XNDC1N: variants seen among roughly 807,000 people sequenced by gnomAD.
The protein encoded by XNDC1N is protein XNDC1N.
the XNDC1N span, among the ~76,000 whole-genome samples, chr11:71,907,708 A>G: frequency 1.3e-5 from 2 of 152,080 alleles, no homozygotes; most frequent in Non-Finnish European, 2.9e-5. Context: ...ACTAGAAACT[A>G]TATCAGTTGG....
chr11:71,884,515 G>T, the XNDC1N span: 1 of 1,609,272 alleles, frequency 6.2e-7, no homozygotes, highest in Non-Finnish European at 8.5e-7. Context: ...TTCAGCATCT[G>T]CTGCAAACTG....
At chr11:71,881,018 G>C in the XNDC1N span, among the ~76,000 whole-genome samples, 1 of 152,172 alleles carries the variant, frequency 6.6e-6, no homozygotes, top group East Asian at 1.9e-4. Flanking sequence ...GTAAATGTCT[G>C]TTAAGTCTAT....
the XNDC1N span, among the ~76,000 whole-genome samples, chr11:71,869,670 C>G: frequency 6.6e-6 from 1 of 152,138 alleles, no homozygotes; most frequent in Non-Finnish European, 1.5e-5. Flanking sequence ...TCCTTAGATT[C>G]CTTGAATTTG....
At chr11:71,890,989 C>T in the XNDC1N span, among the ~76,000 whole-genome samples, 1 of 151,968 alleles carries the variant, frequency 6.6e-6, no homozygotes, top group African/African-American at 2.4e-5. Flanking sequence ...GGGTGTACTG[C>T]CTCTGTGATG....
chr11:71,885,452 T>C, the XNDC1N span, among the ~76,000 whole-genome samples: 1 of 152,134 alleles, frequency 6.6e-6, no homozygotes, highest in African/African-American at 2.4e-5. Context: ...TAATAGCATT[T>C]TCTTCTTCTG....
At chr11:71,910,518 G>GAAATA in the XNDC1N span, among the ~76,000 whole-genome samples, 3 of 152,170 alleles carry the variant, frequency 2.0e-5, no homozygotes, top group South Asian at 6.2e-4. Flanking sequence ...GAGAGACCTA[G>GAAATA]GCTGCGTGTT....
At chr11:71,897,706 G>C in the XNDC1N span, among the ~76,000 whole-genome samples, 2 of 152,202 alleles carry the variant, frequency 1.3e-5, no homozygotes, top group Non-Finnish European at 2.9e-5. Context: ...AGTTGCATTT[G>C]TGGGTACCTA....
At chr11:71,895,135 A>G in the XNDC1N span, among the ~76,000 whole-genome samples, 1 of 151,616 alleles carries the variant, frequency 6.6e-6, no homozygotes, top group Non-Finnish European at 1.5e-5. Context: ...TTTTCTTTTA[A>G]AGCACCAGAG....
At chr11:71,911,576 C>T in the XNDC1N span, among the ~76,000 whole-genome samples, 1,005 of 152,240 alleles carry the variant, frequency 6.6e-3, 11 homozygotes, top group Middle Eastern at 0.031. Context: ...GAACTCATTG[C>T]TTTCATTGGG....
At chr11:71,892,033 G>A in the XNDC1N span, among the ~76,000 whole-genome samples, 1 of 151,994 alleles carries the variant, frequency 6.6e-6, no homozygotes, top group Non-Finnish European at 1.5e-5. Flanking sequence ...CTGGATATTA[G>A]GAACAATATC....
the XNDC1N span, among the ~76,000 whole-genome samples, chr11:71,870,440 C>A: frequency 6.6e-6 from 1 of 152,174 alleles, no homozygotes; most frequent in Admixed American, 6.5e-5. Context: ...GGTGAGAAAC[C>A]TGCTGCACTT....
At chr11:71,921,336 G>A in the XNDC1N span, among the ~76,000 whole-genome samples, 1 of 152,048 alleles carries the variant, frequency 6.6e-6, no homozygotes, top group Non-Finnish European at 1.5e-5. Flanking sequence ...TAGAGATGGG[G>A]CTTCACCATG....
chr11:71,921,262 C>T, the XNDC1N span, among the ~76,000 whole-genome samples: 3 of 152,240 alleles, frequency 2.0e-5, no homozygotes, highest in South Asian at 4.1e-4. Flanking sequence ...TCAGGATCCT[C>T]CCACCTCAGT....
chr11:71,912,206 C>G, the XNDC1N span, among the ~76,000 whole-genome samples: 8 of 152,318 alleles, frequency 5.3e-5, no homozygotes, highest in South Asian at 1.5e-3. Context: ...GCCCGGCATA[C>G]GAGCTTATGG....
At chr11:71,866,268 G>A in the XNDC1N span, among the ~76,000 whole-genome samples, 75 of 151,446 alleles carry the variant, frequency 5.0e-4, no homozygotes, top group Non-Finnish European at 9.4e-4. Context: ...CACGTTTTAG[G>A]ACATTTAAAA....
the XNDC1N span, chr11:71,903,472 C>A: frequency 3.4e-5 from 28 of 815,400 alleles, no homozygotes; most frequent in South Asian, 3.8e-4. Flanking sequence ...ATCTCCTATG[C>A]AGGCTGCCTG....
At chr11:71,880,132 CAT>C in the XNDC1N span, among the ~76,000 whole-genome samples, 1 of 152,032 alleles carries the variant, frequency 6.6e-6, no homozygotes, top group Non-Finnish European at 1.5e-5. Context: ...TCTGAGGTAA[CAT>C]GTGCCTCAGA....
At chr11:71,919,615 TTG>T in the XNDC1N span, among the ~76,000 whole-genome samples, 1 of 11,172 alleles carries the variant, frequency 9.0e-5, no homozygotes, top group African/African-American at 1.4e-4. Context: ...GTTTTTTTTT[TTG>T]TTTGTTTTTT....
At chr11:71,887,451 G>A in the XNDC1N span, among the ~76,000 whole-genome samples, 1 of 152,012 alleles carries the variant, frequency 6.6e-6, no homozygotes. Flanking sequence ...TGACACTTGT[G>A]GTCCCCCGAG....
Sources: gnomAD v4.1 joint callset for allele counts (sites outside exome capture counted in the v4.1 genomes callset) on GRCh38, gnomAD v4.1.1 for gene constraint, MANE v1.5 for transcripts, NCBI Gene and HGNC (gene_info 2026-07-23, HGNC 2026-07-21) for gene names.